Variants in DNAH9 observed in about 807,000 individuals in gnomAD.
DNAH9 encodes dynein axonemal heavy chain 9.
DNAH9 carries 345 observed loss-of-function variants against 471.6 expected under a neutral mutation model. The ratio of observed to expected loss-of-function variants is 0.73; its 90% CI spans 0.67 to 0.80. The LOEUF (loss-of-function observed/expected upper bound fraction) is 0.80, where lower values mean the gene tolerates loss of function less well. DNAH9 is among the 30% of genes least tolerant of loss of function. The pLI is 0.00. For missense variants in DNAH9, 5,407 were observed against 5,609.2 expected, an observed-to-expected ratio of 0.96 and a Z score of 1.15; for synonymous variants, 2,093 against 2,123.6, an observed-to-expected ratio of 0.99 and a Z score of 0.40.
In DNAH9 at chr17:11,824,584, G is replaced by A. The variant is rs117557652; in HGVS notation, c.9246+1550G>A. On this transcript the variant is annotated intron_variant, in intron 48 of 68. Coordinates refer to ENST00000262442, the MANE Select transcript of DNAH9 (RefSeq NM_001372.4). ...TGTTGGCTTTTTTCTCTAAATTGTA[G>A]GAGAGCTTTTCAAGTTTACCCTCAC... 2.4e-3 allele frequency among the ~76,000 whole-genome samples: 372 copies of A among 152,206 alleles called. 5 individuals carry two copies. Among genetic ancestry groups the A allele is most frequent in the Non-Finnish European group, 2.8e-3 (191 of 68,014 alleles).
chr17:11,816,559 G>A (rs925470045), intron 45 of DNAH9, among the ~76,000 whole-genome samples: 2 of 152,156 alleles, frequency 1.3e-5, no homozygotes, highest in Non-Finnish European at 1.5e-5. Context: ...TTAAGAATAG[G>A]GAAATTTTTT....
rs1974957353 is a variant in DNAH9 at position 11,942,448 on chromosome 17, T to G, written c.12806T>G (p.Ile4269Ser). The change falls in exon 67 of 69, where the codon ATT (isoleucine) becomes AGT (serine). Residue 4269 changes from isoleucine (I) to serine (S), a missense_variant. By Grantham distance (142) the Ile-to-Ser change is moderately radical. Transcript: ENST00000262442. The stretch of plus-strand genomic sequence containing the variant: ...CGGATGAATATCCTCACCAGAGAGA[T>G]TCAGCGCTCACTGAGGGAGCTGGAG... ...CGRMNILTREIQRSLRELELG... is the reference protein window; with the variant it reads ...CGRMNILTRESQRSLRELELG... 6.2e-7 allele frequency: 1 copy of G among 1,614,032 alleles called. No homozygotes were observed. The highest frequency in any genetic ancestry group is 1.3e-5 in the African/African-American group (1 of 74,934).
In DNAH9 at chr17:11,932,138, C is replaced by T; in HGVS notation, c.12230C>T (p.Pro4077Leu). ...FGPQGWNRSYPFNTGDLTISV... is the reference protein window; with the variant it reads ...FGPQGWNRSYLFNTGDLTISV... ...CCCCAGGGATGGAATCGCTCATACC[C>T]CTTTAACACTGGAGACCTCACTATC... Residue 4077 changes from proline (P) to leucine (L), a missense_variant, in exon 64 of 69, where the codon CCC becomes CTC. Coordinates refer to ENST00000262442, the MANE Select transcript of DNAH9 (RefSeq NM_001372.4). This position sits in a 1 kb window ranked among gnomAD's most constrained non-coding sequence, Gnocchi z 4.3. 6.2e-7 allele frequency: 1 copy of T among 1,614,100 alleles called. No individual in the cohort carries two copies. Among genetic ancestry groups the T allele is most frequent in the Non-Finnish European group, 8.5e-7 (1 of 1,180,024 alleles).
In DNAH9 at chr17:11,902,911, C is replaced by G. The variant is rs944446438; in HGVS notation, c.11599C>G (p.Arg3867Gly). The change falls in exon 60 of 69, where the codon CGA (arginine) becomes GGA (glycine). Residue 3867 changes from arginine (R) to glycine (G), a missense_variant and splice_region_variant. This residue lies in a region of DNAH9 where 4,636 missense variants were observed against 4,900.3 expected (regional missense o/e 0.95). Transcript: ENST00000262442. ...GCCCGACCGGATGACCTATGCTTTG[C>G]GGTAGGAAACAGGGTGGTGGAAGGC... Reference protein sequence around the residue: ...MRPDRMTYALRDFVEEKLGSK... With the variant: ...MRPDRMTYALGDFVEEKLGSK... 1 of 1,611,542 alleles carries G rather than the reference C, an allele frequency of 6.2e-7. No homozygotes were observed. Among genetic ancestry groups the G allele is most frequent in the African/African-American group, 1.3e-5 (1 of 74,848 alleles).
In DNAH9 at chr17:11,789,153, A is replaced by G. The variant is rs369073632; in HGVS notation, c.8062-4350A>G. On this transcript the variant is annotated intron_variant, in intron 41 of 68. Coordinates refer to ENST00000262442, the MANE Select transcript of DNAH9 (RefSeq NM_001372.4). Reference sequence around the variant, plus strand: ...TGATAATTTTTAATATAATTTTTGAATCTGTATTCATAAGATTGTCTTGTA... The same window carrying G: ...TGATAATTTTTAATATAATTTTTGAGTCTGTATTCATAAGATTGTCTTGTA... Among the ~76,000 whole-genome samples, 5 of 152,012 alleles carry G rather than the reference A, an allele frequency of 3.3e-5. No individual in the cohort carries two copies. The East Asian group carries it at 9.7e-4, about 29-fold the overall frequency.
chr17:11,817,346 A>C (rs9892871), intron 45 of DNAH9, among the ~76,000 whole-genome samples: 14,260 of 152,250 alleles, frequency 0.094, 1,773 homozygotes, highest in African/African-American at 0.28. Context: ...GATCTTGGAT[A>C]TTGTGACAAA....
intron 35 of DNAH9, among the ~76,000 whole-genome samples, chr17:11,761,718 T>TAA (rs1967676376): frequency 6.6e-6 from 1 of 151,476 alleles, no homozygotes; most frequent in Non-Finnish European, 1.5e-5. Context: ...CAGGCAAGAG[T>TAA]CCTTCACCAA....
rs534875185 is a variant in DNAH9, at chr17:11,870,402, G to A, written c.10053+1149G>A. On this transcript the variant is annotated intron_variant, in intron 51 of 68. Transcript: ENST00000262442. ...ACAGCACCCTCCTCACCAGTGAAGGGAAGTACATTCCACACCTGTTGACAT... is the reference window on the plus strand; with the variant it reads ...ACAGCACCCTCCTCACCAGTGAAGGAAAGTACATTCCACACCTGTTGACAT... Among the ~76,000 whole-genome samples, 10 of 152,284 alleles carry A rather than the reference G, an allele frequency of 6.6e-5. No individual in the cohort carries two copies. In the East Asian group the frequency reaches 1.9e-3, roughly 29 times the overall value.
chr17:11,896,033 G>A (rs1973206443), intron 59 of DNAH9, among the ~76,000 whole-genome samples: 1 of 152,120 alleles, frequency 6.6e-6, no homozygotes. Flanking sequence ...TCTAAATCAA[G>A]AGTTGTCCCA....
At chr17:11,718,173 G>A (rs1249137696) in intron 26 of DNAH9, among the ~76,000 whole-genome samples, 6 of 152,120 alleles carry the variant, frequency 3.9e-5, no homozygotes, top group African/African-American at 9.7e-5. Context: ...CACTACACCC[G>A]GCCTGACAAC....
Position 11,937,569 on chromosome 17 carries a change from G to T in DNAH9, c.12660+47G>T. 6.4e-7 allele frequency: 1 copy of T among 1,557,234 alleles called. No homozygotes were observed. The highest frequency in any genetic ancestry group is 1.2e-5 in the South Asian group (1 of 83,164). Reference sequence around the variant, plus strand: ...TGAGGTCGTTCTGGGGGACCCCGAGGATCATAGATGCACACCTTTCTCCTG... The same window carrying T: ...TGAGGTCGTTCTGGGGGACCCCGAGTATCATAGATGCACACCTTTCTCCTG... On this transcript the variant is annotated intron_variant, in intron 66 of 68. Transcript: ENST00000262442. This position sits in a 1 kb window ranked among gnomAD's most constrained non-coding sequence, Gnocchi z 4.1.
At position 11,969,530 on chromosome 17, in the gene DNAH9, T is replaced by C; in HGVS notation, c.*3T>C. On this transcript the variant is annotated 3_prime_UTR_variant, in exon 69 of 69. Transcript: ENST00000262442. ...TAGCCTTGCTTCTCCAGATTTAGCA[T>C]CCTGCAGAGCCACCGAGAAAATAAA... is the stretch of plus-strand genomic sequence containing the variant. 2 of 1,600,718 alleles carry C rather than the reference T, an allele frequency of 1.2e-6. No homozygotes were observed. The highest frequency in any genetic ancestry group is 1.7e-6 in the Non-Finnish European group (2 of 1,175,624).
rs1404057276 is a variant in DNAH9 at position 11,892,361 on chromosome 17, A to G, written c.11283+414A>G. On this transcript the variant is annotated intron_variant, in intron 58 of 68. Transcript: ENST00000262442. The surrounding 1 kb of genome is among the most constrained non-coding windows in gnomAD (Gnocchi z 4.3). Reference sequence around the variant, plus strand: ...TTACCTTTAGACTGCAAGTTTACTGATGCAGCCATCCCCCGGGATAAGAAA... The same window carrying G: ...TTACCTTTAGACTGCAAGTTTACTGGTGCAGCCATCCCCCGGGATAAGAAA... Among the ~76,000 whole-genome samples the G allele has an allele frequency of 1.3e-5, 2 of 152,142 alleles. No homozygotes were observed. Among genetic ancestry groups the G allele is most frequent in the Non-Finnish European group, 2.9e-5 (2 of 68,024 alleles).
intron 67 of DNAH9, among the ~76,000 whole-genome samples, chr17:11,960,865 A>T (rs1976093683): frequency 6.6e-6 from 1 of 152,184 alleles, no homozygotes; most frequent in Admixed American, 6.5e-5. Context: ...TACGGAGGTG[A>T]GAACATCTTA....
chr17:11,796,668 A>T (rs139612949), intron 42 of DNAH9, among the ~76,000 whole-genome samples: 1 of 150,448 alleles, frequency 6.6e-6, no homozygotes, highest in African/African-American at 2.4e-5. Context: ...AGGAGGAAAA[A>T]ACGACAGGTG....
At chr17:11,954,326 A>C (rs1176384737) in intron 67 of DNAH9, among the ~76,000 whole-genome samples, 1 of 152,226 alleles carries the variant, frequency 6.6e-6, no homozygotes, top group African/African-American at 2.4e-5. Context: ...TAGGTACAAG[A>C]AGCTCAACAA....
At chr17:11,647,230 T>A in intron 12 of DNAH9, 32 bp downstream of exon 12, 1 of 1,603,372 alleles carries the variant, frequency 6.2e-7, no homozygotes, top group Non-Finnish European at 8.5e-7. Context: ...CTCTTTTGGG[T>A]TCCTGAAGAG....
intron 65 of DNAH9, among the ~76,000 whole-genome samples, chr17:11,934,472 G>T (rs1974632600): frequency 9.2e-6 from 1 of 109,246 alleles, no homozygotes; most frequent in African/African-American, 3.3e-5. Context: ...TTGAGATGGA[G>T]TCTTGCTCTG....
rs558802865 is a variant in DNAH9 at position 11,785,690 on chromosome 17, T to C, written c.8061+1151T>C. Among the ~76,000 whole-genome samples the C allele has an allele frequency of 2.0e-5, 3 of 152,214 alleles. No homozygotes were observed. In the South Asian group the frequency reaches 6.2e-4, roughly 32 times the overall value. On this transcript the variant is annotated intron_variant, in intron 41 of 68. Coordinates refer to ENST00000262442, the MANE Select transcript of DNAH9 (RefSeq NM_001372.4). ...TGAATCAGATGTAGCTCCCAAACAT[T>C]AGCTCATTTTAAAAATTAAAAACAA...
Sources: gnomAD v4.1 joint callset for allele counts (sites outside exome capture counted in the v4.1 genomes callset) on GRCh38, gnomAD v4.1.1 for gene constraint, gnomAD v4.1.1 regional missense constraint, Gnocchi (gnomAD v3.1) non-coding constraint, MANE v1.5 for transcripts, NCBI Gene and HGNC (gene_info 2026-07-23, HGNC 2026-07-21) for gene names.